Variants in PLXNA4 observed in about 807,000 individuals in gnomAD.
PLXNA4 encodes plexin A4.
Under a neutral mutation model 191.8 loss-of-function variants are expected in PLXNA4, and 44 were observed. The ratio of observed to expected loss-of-function variants is 0.23; its 90% CI spans 0.18 to 0.29. The LOEUF (loss-of-function observed/expected upper bound fraction) is 0.29. PLXNA4 is among the 10% of genes least tolerant of loss of function. The probability of loss-of-function intolerance (pLI) is 1.00; values close to 1 mark genes in which losing one functional copy is unlikely to be tolerated. For missense variants in PLXNA4, 1,800 were observed against 2,488.8 expected, an observed-to-expected ratio of 0.72 and a Z score of 5.89; for synonymous variants, 1,082 against 1,009.5, an observed-to-expected ratio of 1.07 and a Z score of -1.36.
intron 3 of PLXNA4, among the ~76,000 whole-genome samples, chr7:132,406,497 CT>C (rs1335415944): frequency 6.6e-6 from 1 of 152,212 alleles, no homozygotes; most frequent in African/African-American, 2.4e-5. Context: ...CAGGAGCCTC[CT>C]GACCACATGA....
At chr7:132,506,628 G>T (rs156957) in intron 2 of PLXNA4, among the ~76,000 whole-genome samples, 62,411 of 152,060 alleles carry the variant, frequency 0.41, 13,093 homozygotes, top group African/African-American at 0.48. Context: ...CACAAGAAGG[G>T]GGATGCTTTT....
In PLXNA4 at chr7:132,245,380, G is replaced by A. The variant is rs117621275; in HGVS notation, c.1504-4214C>T. Among the ~76,000 whole-genome samples, 237 of 152,300 alleles carry A rather than the reference G, an allele frequency of 1.6e-3. 2 individuals are homozygous for A. Among genetic ancestry groups the A allele is most frequent in the Non-Finnish European group, 2.1e-3 (146 of 68,036 alleles). Reference sequence around the variant, plus strand: ...CTTCACCTTCGCTGCTTCTAGAGATGGGAGCCCCATCACCTCTGGGGACCT... The same window carrying A: ...CTTCACCTTCGCTGCTTCTAGAGATAGGAGCCCCATCACCTCTGGGGACCT... On this transcript the variant is annotated intron_variant, in intron 4 of 31. Coordinates refer to ENST00000321063, the MANE Select transcript of PLXNA4 (RefSeq NM_020911.2).
intron 21 of PLXNA4, among the ~76,000 whole-genome samples, chr7:132,170,763 C>T: frequency 6.6e-6 from 1 of 152,234 alleles, no homozygotes; most frequent in East Asian, 1.9e-4. Flanking sequence ...TTGAAACCTC[C>T]AACTAGCCCG....
At chr7:132,426,734 C>T (rs1795060600) in intron 3 of PLXNA4, among the ~76,000 whole-genome samples, 1 of 151,994 alleles carries the variant, frequency 6.6e-6, no homozygotes, top group Non-Finnish European at 1.5e-5. Context: ...CAAGAGTGCT[C>T]CCCAGAGGGT....
chr7:132,579,521 AC>A (rs1802362233), upstream of PLXNA4, among the ~76,000 whole-genome samples: 1 of 138,942 alleles, frequency 7.2e-6, no homozygotes, highest in African/African-American at 2.8e-5. Flanking sequence ...GAAGTCAAAG[AC>A]CTTTTTTTTT....
chr7:132,403,155 C>T (rs1794065434), intron 3 of PLXNA4, among the ~76,000 whole-genome samples: 1 of 152,164 alleles, frequency 6.6e-6, no homozygotes, highest in Non-Finnish European at 1.5e-5. Flanking sequence ...GATGATCTCT[C>T]CCACTACACA....
intron 3 of PLXNA4, among the ~76,000 whole-genome samples, chr7:132,451,022 G>T (rs1275247436): frequency 6.6e-5 from 10 of 152,194 alleles, no homozygotes; most frequent in Admixed American, 6.5e-4. Flanking sequence ...CACCTTCAAG[G>T]TGTAGATTAT....
chr7:132,383,220 G>T (rs1804971143), intron 3 of PLXNA4, among the ~76,000 whole-genome samples: 1 of 151,982 alleles, frequency 6.6e-6, no homozygotes, highest in Admixed American at 6.6e-5. Context: ...CTTGAAAAAA[G>T]ACCCCCTCGA....
chr7:132,618,326 G>C (rs1803194766), intron 2 of PLXNA4, among the ~76,000 whole-genome samples: 1 of 152,174 alleles, frequency 6.6e-6, no homozygotes, highest in African/African-American at 2.4e-5. Flanking sequence ...TCATCACGGT[G>C]CTGGGTGAAT....
intron 1 of PLXNA4, among the ~76,000 whole-genome samples, chr7:132,511,901 G>C (rs1453577451): frequency 6.6e-6 from 1 of 152,172 alleles, no homozygotes; most frequent in East Asian, 1.9e-4. Flanking sequence ...AAATCCAAGA[G>C]GTCAGATGAA....
At position 132,293,267 on chromosome 7, in the gene PLXNA4, T is replaced by C. The variant is rs552419449; in HGVS notation, c.1503+4824A>G. On this transcript the variant is annotated intron_variant, in intron 4 of 31. Transcript: ENST00000321063. ...TGTTTTCATGCTGCTGAAAAAAACA[T>C]ACCTGAGACTGGGTAATTTACAAAG... Among the ~76,000 whole-genome samples the C allele has an allele frequency of 2.6e-5, 4 of 152,292 alleles. No individual in the cohort carries two copies. In the East Asian group the frequency reaches 5.8e-4, roughly 22 times the overall value.
intron 1 of PLXNA4, among the ~76,000 whole-genome samples, chr7:132,527,539 C>CAAAAAAAA (rs34598256): frequency 6.7e-5 from 4 of 59,712 alleles, no homozygotes; most frequent in Non-Finnish European, 9.3e-5. Context: ...GAAACAGACT[C>CAAAAAAAA]AAAAAAAAAA....
intron 15 of PLXNA4, among the ~76,000 whole-genome samples, chr7:132,186,853 G>C (rs1011608298): frequency 1.3e-5 from 2 of 152,116 alleles, no homozygotes; most frequent in African/African-American, 4.8e-5. Context: ...GGACCAGAGA[G>C]CCTACCTTTG....
At chr7:132,142,807 C>T (rs529549559) in intron 29 of PLXNA4, among the ~76,000 whole-genome samples, 2 of 152,298 alleles carry the variant, frequency 1.3e-5, no homozygotes, top group African/African-American at 4.8e-5. Context: ...TTCCAGCTAA[C>T]GAAATCTCTG....
chr7:132,149,326 G>A (rs532365757), intron 25 of PLXNA4, among the ~76,000 whole-genome samples: 9 of 152,192 alleles, frequency 5.9e-5, no homozygotes, highest in African/African-American at 2.2e-4. Context: ...TATTCTCACG[G>A]GTCCAAACAC....
chr7:132,486,781 C>T (rs1797575360), intron 3 of PLXNA4, among the ~76,000 whole-genome samples: 1 of 152,228 alleles, frequency 6.6e-6, no homozygotes, highest in African/African-American at 2.4e-5. Flanking sequence ...TTATGAAGCC[C>T]CAGCCTCTTG....
At chr7:132,611,539 G>T (rs1803046141) in intron 2 of PLXNA4, among the ~76,000 whole-genome samples, 1 of 152,190 alleles carries the variant, frequency 6.6e-6, no homozygotes, top group African/African-American at 2.4e-5. Flanking sequence ...GGGCAGCAAG[G>T]CTACTGTGCT....
Position 132,442,277 on chromosome 7 carries a change from C to T in PLXNA4, c.1371+47015G>A, listed in dbSNP as rs143900374. 5.3e-3 allele frequency among the ~76,000 whole-genome samples: 807 copies of T among 152,226 alleles called. 12 individuals carry two copies. Among genetic ancestry groups the T allele is most frequent in the African/African-American group, 0.019 (771 of 41,542 alleles). ...ATTCTTGTGTCAGGGCCACAGAGGTCCCTGATGCCAAAAGCTGGGATAAGC... is the reference window on the plus strand; with the variant it reads ...ATTCTTGTGTCAGGGCCACAGAGGTTCCTGATGCCAAAAGCTGGGATAAGC... On this transcript the variant is annotated intron_variant, in intron 3 of 31. Transcript: ENST00000321063.
intron 3 of PLXNA4, among the ~76,000 whole-genome samples, chr7:132,357,067 T>C (rs1405992628): frequency 6.6e-6 from 1 of 151,976 alleles, no homozygotes; most frequent in East Asian, 1.9e-4. Flanking sequence ...AATGGAGAGA[T>C]GGGTGTTGGC....
Sources: gnomAD v4.1 joint callset for allele counts (sites outside exome capture counted in the v4.1 genomes callset) on GRCh38, gnomAD v4.1.1 for gene constraint, MANE v1.5 for transcripts, NCBI Gene and HGNC (gene_info 2026-07-23, HGNC 2026-07-21) for gene names.